Variants in PIK3R1 observed in about 807,000 individuals in gnomAD.
PIK3R1 encodes the protein phosphatidylinositol 3-kinase regulatory subunit alpha.
In PIK3R1, 29 loss-of-function variants were observed where a neutral mutation model predicts 98.0. The ratio of observed to expected loss-of-function variants is 0.30; its 90% CI spans 0.22 to 0.40. The LOEUF (loss-of-function observed/expected upper bound fraction) is 0.40, where lower values mean the gene tolerates loss of function less well. PIK3R1 is among the 10% of genes least tolerant of loss of function. The pLI is 1.00. For synonymous variants in PIK3R1, 282 were observed against 311.8 expected (o/e 0.90, Z 1.01); for missense variants, 596 against 872.7 (o/e 0.68, Z 3.99).
chr5:68,236,615 A>G (rs1744680299), intron 2 of PIK3R1, among the ~76,000 whole-genome samples: 1 of 152,222 alleles, frequency 6.6e-6, no homozygotes, highest in Non-Finnish European at 1.5e-5. Context: ...AAAAGTGATC[A>G]TATTAAAAAA....
At chr5:68,291,022 CTG>C in intron 7 of PIK3R1, 2 of 500,054 alleles carry the variant, frequency 4.0e-6, no homozygotes, top group East Asian at 3.2e-5. Flanking sequence ...GCAGCTCAGG[CTG>C]TGTGTGGTAA....
chr5:68,290,744 T>C (rs1281793401), intron 7 of PIK3R1: 1 of 1,612,960 alleles, frequency 6.2e-7, no homozygotes, highest in Non-Finnish European at 8.5e-7. Flanking sequence ...CAATACTGTT[T>C]GGAATATGGA....
chr5:68,289,076 A>G (rs939919990), intron 7 of PIK3R1, among the ~76,000 whole-genome samples: 2 of 152,086 alleles, frequency 1.3e-5, no homozygotes, highest in African/African-American at 4.8e-5. Context: ...AGAAGATCCA[A>G]CAGCCAGACT....
chr5:68,300,717 A>G lies in PIK3R1; in HGVS notation c.*3116A>G, dbSNP rs1039344980. ...TGTTGAGTTCAAGTACATAAAGTAC[A>G]TAACAAGCGAACGTCTAGTACAATT... On this transcript the variant is annotated 3_prime_UTR_variant, in exon 16 of 16. Coordinates refer to ENST00000521381, the MANE Select transcript of PIK3R1 (RefSeq NM_181523.3). The G allele has an allele frequency of 1.3e-5, 3 of 233,232 alleles. No individual in the cohort carries two copies. The Admixed American group carries it at 1.7e-4, about 13-fold the overall frequency. The allele number at this position is 233,232 out of a possible 1,614,324, so 14.4% of individuals were successfully genotyped here.
chr5:68,216,125 G>T (rs912097788), intron 1 of PIK3R1, among the ~76,000 whole-genome samples, 176 bp downstream of exon 1: 3 of 152,110 alleles, frequency 2.0e-5, no homozygotes, highest in Non-Finnish European at 4.4e-5. Context: ...TCTCCTGGCC[G>T]CCGGGCAGCA....
At position 68,275,468 on chromosome 5, in the gene PIK3R1, T is replaced by C. The variant is rs148570772; in HGVS notation, c.502+1455T>C. ...GATGAAGTGGAAGTTATTTGAGAAA[T>C]AGTGGTTAGGTTTATAATGTGATCA... On this transcript the variant is annotated intron_variant, in intron 4 of 15. Transcript: ENST00000521381. Among the ~76,000 whole-genome samples the C allele has an allele frequency of 9.9e-5, 15 of 151,778 alleles. No homozygotes were observed. The East Asian group carries it at 1.7e-3, about 18-fold the overall frequency.
At chr5:68,225,035 T>C (rs2111956417) in intron 1 of PIK3R1, among the ~76,000 whole-genome samples, 1 of 152,386 alleles carries the variant, frequency 6.6e-6, no homozygotes, top group East Asian at 1.9e-4. Flanking sequence ...ATCTGCGTGA[T>C]GATTCCATCA....
chr5:68,278,306 G>C (rs574649230), intron 4 of PIK3R1, among the ~76,000 whole-genome samples: 2 of 152,122 alleles, frequency 1.3e-5, no homozygotes, highest in South Asian at 4.2e-4. Flanking sequence ...GACAGAATTA[G>C]GGAGAAACAT....
rs138201165 is a variant in PIK3R1, at chr5:68,280,235, C to T, written c.635-293C>T. 1,016 of 439,782 alleles carry T rather than the reference C, an allele frequency of 2.3e-3. 5 individuals are homozygous for T. Among genetic ancestry groups the T allele is most frequent in the Non-Finnish European group, 3.3e-3 (819 of 248,560 alleles). 27.2% of individuals were successfully genotyped at this position (439,782 alleles called of 1,614,324 possible). On this transcript the variant is annotated intron_variant, in intron 5 of 15. Transcript: ENST00000521381. Reference sequence around the variant, plus strand: ...TTATCTGATGCTCCTCTGAGTTAGCCAATCACACTTGAAGCTGCTCAATAC... The same window carrying T: ...TTATCTGATGCTCCTCTGAGTTAGCTAATCACACTTGAAGCTGCTCAATAC...
chr5:68,268,555 G>A (rs34309), intron 2 of PIK3R1, among the ~76,000 whole-genome samples: 44,704 of 152,050 alleles, frequency 0.29, 8,130 homozygotes, highest in Non-Finnish European at 0.38. Context: ...GCAGTTAGCA[G>A]ACAAACATCT....
Position 68,295,286 on chromosome 5 carries a change from C to T in PIK3R1, c.1707C>T (p.Asp569=). The T allele has an allele frequency of 6.2e-7, 1 of 1,614,088 alleles. No individual in the cohort carries two copies. Among genetic ancestry groups the T allele is most frequent in the Non-Finnish European group, 8.5e-7 (1 of 1,179,986 alleles). Residue 569 remains aspartate, a synonymous_variant, in exon 13 of 16, where the codon GAC becomes GAT. Transcript: ENST00000521381. ...IDKRMNSIKP[D]LIQLRKTRDQ... is the part of the protein sequence containing the mutation. ...AACGTATGAACAGCATTAAACCAGA[C>T]CTTATCCAGCTGAGAAAGACGAGAG...
intron 5 of PIK3R1, 136 bp from the exon 6 acceptor site, chr5:68,280,390 CTG>C (rs997114715): frequency 3.0e-6 from 2 of 670,558 alleles, no homozygotes; most frequent in African/African-American, 1.8e-5. Context: ...GACAAATGTA[CTG>C]TGTGCTTCTC....
chr5:68,263,177 A>ACATATATATC (rs1745966484), intron 2 of PIK3R1, among the ~76,000 whole-genome samples: 2 of 144,424 alleles, frequency 1.4e-5, no homozygotes, highest in Non-Finnish European at 3.0e-5. Flanking sequence ...ATATATATCT[A>ACATATATATC]TATATACATA....
rs544588842 is a variant in PIK3R1 at position 68,268,402 on chromosome 5, G to T, written c.335-4988G>T. Among the ~76,000 whole-genome samples the T allele has an allele frequency of 5.3e-4, 80 of 152,232 alleles. 1 individual carries two copies. Among genetic ancestry groups the T allele is most frequent in the South Asian group, 2.9e-3 (14 of 4,820 alleles). On this transcript the variant is annotated intron_variant, in intron 2 of 15. Transcript: ENST00000521381. Reference sequence around the variant, plus strand: ...GCTTAATAAGTTTAAAGTTCAGGGTGTTAATCATTACAAGCATAAAGTATG... The same window carrying T: ...GCTTAATAAGTTTAAAGTTCAGGGTTTTAATCATTACAAGCATAAAGTATG...
chr5:68,262,225 T>G (rs920480810), intron 2 of PIK3R1, among the ~76,000 whole-genome samples: 15 of 151,774 alleles, frequency 9.9e-5, no homozygotes, highest in Admixed American at 6.6e-5. Flanking sequence ...TGCCCCTTCC[T>G]TTCACCAGTT....
At chr5:68,235,340 T>A (rs995482221) in intron 2 of PIK3R1, among the ~76,000 whole-genome samples, 3 of 151,798 alleles carry the variant, frequency 2.0e-5, no homozygotes, top group African/African-American at 7.3e-5. Flanking sequence ...GAGGCAGAGG[T>A]TGCAGTGAGC....
intron 7 of PIK3R1, among the ~76,000 whole-genome samples, chr5:68,284,484 C>T (rs924898973): frequency 6.6e-6 from 1 of 152,230 alleles, no homozygotes; most frequent in South Asian, 2.1e-4. Flanking sequence ...ACTCCTCCAT[C>T]TTGCCTAGGT....
At chr5:68,282,735 C>T (rs997736179) in intron 7 of PIK3R1, among the ~76,000 whole-genome samples, 18 of 152,152 alleles carry the variant, frequency 1.2e-4, no homozygotes, top group Admixed American at 5.9e-4. Flanking sequence ...GCAATTGGTG[C>T]GCCTGTTTCA....
At chr5:68,248,081 T>C (rs891113569) in intron 2 of PIK3R1, among the ~76,000 whole-genome samples, 2 of 151,846 alleles carry the variant, frequency 1.3e-5, no homozygotes, top group Non-Finnish European at 2.9e-5. Context: ...AACCTCTGCA[T>C]CCTGGGTTCA....
Sources: gnomAD v4.1 joint callset for allele counts (sites outside exome capture counted in the v4.1 genomes callset) on GRCh38, gnomAD v4.1.1 for gene constraint, MANE v1.5 for transcripts, NCBI Gene and HGNC (gene_info 2026-07-23, HGNC 2026-07-21) for gene names.